Variants in IMMP1L observed in about 807,000 individuals in gnomAD.
IMMP1L encodes the protein inner mitochondrial membrane peptidase subunit 1.
A neutral mutation model predicts 21.8 loss-of-function variants in IMMP1L; 24 were observed. The observed-to-expected ratio is 1.10, with a 90% CI of 0.80 to 1.55. The LOEUF (loss-of-function observed/expected upper bound fraction) is 1.55. IMMP1L is among the 40% of genes most tolerant of loss of function. IMMP1L has a pLI of 0.00. For synonymous variants in IMMP1L, 46 were observed against 62.8 expected, an observed-to-expected ratio of 0.73 and a Z score of 1.26; for missense variants, 195 against 200.7, an observed-to-expected ratio of 0.97 and a Z score of 0.17.
intron 1 of IMMP1L, among the ~76,000 whole-genome samples, chr11:31,488,686 A>G (rs1247331226): frequency 2.6e-5 from 4 of 152,090 alleles, no homozygotes; most frequent in Admixed American, 2.0e-4. Flanking sequence ...TACTAGTGAT[A>G]TAAGACTAAA....
At chr11:31,501,267 C>T (rs1283432461) in intron 1 of IMMP1L, among the ~76,000 whole-genome samples, 9 of 152,120 alleles carry the variant, frequency 5.9e-5, no homozygotes, top group Non-Finnish European at 4.4e-5. Context: ...CTGAATGTGT[C>T]CCCCAAAAAG....
At chr11:31,441,994 TAA>T (rs754442662) in intron 4 of IMMP1L, among the ~76,000 whole-genome samples, 3 of 152,212 alleles carry the variant, frequency 2.0e-5, no homozygotes, top group African/African-American at 2.4e-5. Flanking sequence ...AATGAATGCA[TAA>T]GACTGAATAT....
chr11:31,480,718 T>C (rs1344096198), intron 1 of IMMP1L, among the ~76,000 whole-genome samples: 2 of 152,102 alleles, frequency 1.3e-5, no homozygotes, highest in Non-Finnish European at 2.9e-5. Context: ...TGTAGGTTTA[T>C]TCCTTTTCTG....
chr11:31,508,616 G>T (rs533788941), intron 1 of IMMP1L, among the ~76,000 whole-genome samples: 3 of 152,202 alleles, frequency 2.0e-5, no homozygotes, highest in African/African-American at 7.2e-5. Flanking sequence ...AATTTCAACA[G>T]GTCAGTGAGA....
At chr11:31,470,242 C>T (rs183693036) in intron 1 of IMMP1L, among the ~76,000 whole-genome samples, 5 of 152,088 alleles carry the variant, frequency 3.3e-5, no homozygotes, top group Non-Finnish European at 5.9e-5. Flanking sequence ...GGAGAAACCC[C>T]GTCTCTACTA....
In IMMP1L at chr11:31,504,314, G is replaced by A. The variant is rs368994667; in HGVS notation, c.-30+5205C>T. ...ATTTGTAATGAATTTATTTGGAAAC[G>A]AACTCTTATCCAAAATATAAAAGAA... On this transcript the variant is annotated intron_variant, in intron 1 of 5. Transcript: ENST00000532287. Among the ~76,000 whole-genome samples the A allele has an allele frequency of 3.9e-5, 6 of 152,162 alleles. No homozygotes were observed. The East Asian group carries it at 5.8e-4, about 15-fold the overall frequency.
intron 2 of IMMP1L, among the ~76,000 whole-genome samples, chr11:31,461,328 C>G (rs771974653): frequency 7.9e-5 from 12 of 152,146 alleles, no homozygotes; most frequent in Non-Finnish European, 1.3e-4. Context: ...TGGTGGCTCA[C>G]ACCTGTAATC....
chr11:31,493,202 T>C (rs1955314763), intron 1 of IMMP1L, among the ~76,000 whole-genome samples: 2 of 152,200 alleles, frequency 1.3e-5, no homozygotes, highest in Admixed American at 6.5e-5. Flanking sequence ...CTGGGTAATT[T>C]ATAAAGAACA....
chr11:31,438,274 T>C (rs1355420788), intron 4 of IMMP1L, among the ~76,000 whole-genome samples: 2 of 152,196 alleles, frequency 1.3e-5, no homozygotes, highest in East Asian at 1.9e-4. Context: ...GGATATTAAA[T>C]TGTGGTTTTA....
At chr11:31,458,173 T>A (rs1006796443) in intron 3 of IMMP1L, among the ~76,000 whole-genome samples, 1 of 119,316 alleles carries the variant, frequency 8.4e-6, no homozygotes, top group Non-Finnish European at 1.6e-5. Context: ...TAGAAAGTAG[T>A]ATAAATAAAC....
chr11:31,465,735 T>A (rs772611003), intron 1 of IMMP1L, among the ~76,000 whole-genome samples: 2 of 152,048 alleles, frequency 1.3e-5, no homozygotes, highest in African/African-American at 4.8e-5. Context: ...AATTTGGATA[T>A]CCACATGTAG....
chr11:31,491,955 G>C (rs1352032977), intron 1 of IMMP1L, among the ~76,000 whole-genome samples: 1 of 152,178 alleles, frequency 6.6e-6, no homozygotes, highest in African/African-American at 2.4e-5. Context: ...ATAAAGAACA[G>C]GCAGAGTAGC....
chr11:31,469,406 A>T (rs1954471160), intron 1 of IMMP1L, among the ~76,000 whole-genome samples: 1 of 152,204 alleles, frequency 6.6e-6, no homozygotes, highest in Non-Finnish European at 1.5e-5. Context: ...AAAATCTATT[A>T]AAAATCAAAT....
chr11:31,481,652 T>C (rs1954894009), intron 1 of IMMP1L, among the ~76,000 whole-genome samples: 1 of 151,856 alleles, frequency 6.6e-6, no homozygotes, highest in Non-Finnish European at 1.5e-5. Flanking sequence ...TCAGAACATA[T>C]AGTGAATGCA....
intron 1 of IMMP1L, among the ~76,000 whole-genome samples, chr11:31,482,694 A>G (rs1048150057): frequency 6.6e-6 from 1 of 151,380 alleles, no homozygotes; most frequent in Non-Finnish European, 1.5e-5. Context: ...AGATGGGGGG[A>G]AAAAAACGAG....
chr11:31,504,619 A>T (rs1367868180), intron 1 of IMMP1L, among the ~76,000 whole-genome samples: 1 of 152,226 alleles, frequency 6.6e-6, no homozygotes, highest in African/African-American at 2.4e-5. Flanking sequence ...CATTGAAGAA[A>T]TGGCCACAAA....
chr11:31,486,236 A>T (rs1280514120), intron 1 of IMMP1L, among the ~76,000 whole-genome samples: 1 of 151,910 alleles, frequency 6.6e-6, no homozygotes, highest in African/African-American at 2.4e-5. Context: ...TTTAAGTTGT[A>T]ACTGCCAAAG....
At chr11:31,437,505 CATA>C (rs1210678146) in intron 4 of IMMP1L, among the ~76,000 whole-genome samples, 1 of 152,124 alleles carries the variant, frequency 6.6e-6, no homozygotes, top group Admixed American at 6.5e-5. Context: ...AGTAAAAAAA[CATA>C]ATGTTTGCAA....
intron 1 of IMMP1L, among the ~76,000 whole-genome samples, chr11:31,509,005 G>A (rs1195212841): frequency 6.6e-6 from 1 of 152,174 alleles, no homozygotes; most frequent in Non-Finnish European, 1.5e-5. Context: ...AACAGCAAAC[G>A]ACAATTAAAT....
Sources: allele counts gnomAD v4.1 joint callset (sites outside exome capture counted in the v4.1 genomes callset), GRCh38; gene constraint gnomAD v4.1.1; transcripts MANE v1.5; gene names NCBI Gene and HGNC (gene_info 2026-07-23, HGNC 2026-07-21).